Variants in PRKG1 observed in about 807,000 individuals in gnomAD.
PRKG1 encodes the protein cGMP-dependent protein kinase 1.
PRKG1 carries 35 observed loss-of-function variants against 88.1 expected under a neutral mutation model. That is an observed-to-expected ratio of 0.40 (90% confidence interval 0.30 to 0.53). The LOEUF (loss-of-function observed/expected upper bound fraction) is 0.53. Ranked by LOEUF, PRKG1 falls within the 20% of genes least tolerant of loss-of-function variation. The pLI is 0.59. For missense variants in PRKG1, 540 were observed against 839.8 expected (o/e 0.64, Z 4.41); for synonymous variants, 303 against 292.5 (o/e 1.04, Z -0.37).
At chr10:51,135,572 A>G (rs73333902) in intron 1 of PRKG1, among the ~76,000 whole-genome samples, 6,308 of 152,258 alleles carry the variant, frequency 0.041, 147 homozygotes, top group Middle Eastern at 0.058. Flanking sequence ...TGCAAAGAGT[A>G]GTTTAGAGAA....
At chr10:51,067,270 G>GTATATATATATATA (rs10612353) in intron 1 of PRKG1, among the ~76,000 whole-genome samples, 41 of 146,702 alleles carry the variant, frequency 2.8e-4, no homozygotes, top group African/African-American at 9.5e-4. Flanking sequence ...ATGTATGTGT[G>GTATATATATATATA]TATATATATA....
chr10:52,052,376 A>G (rs2133250524), intron 5 of PRKG1, among the ~76,000 whole-genome samples: 1 of 151,794 alleles, frequency 6.6e-6, no homozygotes, highest in East Asian at 2.0e-4. Context: ...GGAGTTTGAG[A>G]CCAGCCTGGG....
intron 10 of PRKG1, among the ~76,000 whole-genome samples, chr10:52,253,965 A>G (rs1841247757): frequency 6.6e-6 from 1 of 151,968 alleles, no homozygotes; most frequent in African/African-American, 2.4e-5. Context: ...TCAGTATTCA[A>G]TGTGGACCAG....
chr10:51,864,730 C>A (rs1223569245), intron 4 of PRKG1, among the ~76,000 whole-genome samples: 1 of 152,084 alleles, frequency 6.6e-6, no homozygotes, highest in African/African-American at 2.4e-5. Context: ...TGTTTCAGAC[C>A]AATCACTTAT....
chr10:51,101,537 A>G (rs1290701963), intron 1 of PRKG1, among the ~76,000 whole-genome samples: 1 of 152,218 alleles, frequency 6.6e-6, no homozygotes, highest in Admixed American at 6.5e-5. Flanking sequence ...TCCTTTGAGA[A>G]GCTAAAATCC....
chr10:51,789,818 C>T (rs939918428), intron 3 of PRKG1, among the ~76,000 whole-genome samples: 1 of 151,926 alleles, frequency 6.6e-6, no homozygotes, highest in Non-Finnish European at 1.5e-5. Flanking sequence ...AACACAATAT[C>T]AGTCATTCTC....
intron 3 of PRKG1, among the ~76,000 whole-genome samples, chr10:51,792,007 T>G (rs1199840689): frequency 1.3e-5 from 2 of 152,106 alleles, no homozygotes; most frequent in African/African-American, 4.8e-5. Flanking sequence ...TGAATAGATT[T>G]TGTTTTATTT....
chr10:51,054,682 G>A (rs2660204), intron 1 of PRKG1, among the ~76,000 whole-genome samples: 137,583 of 152,218 alleles, frequency 0.9, 62,336 homozygotes, highest in African/African-American at 0.97. Flanking sequence ...TGAACCTTTC[G>A]TTATAATCAT....
Position 51,470,244 on chromosome 10 carries a change from T to C in PRKG1, c.592+2408T>C, listed in dbSNP as rs533430982. ...TCATTTATTTCTTAGTATTCAAGATTATATCAACTTGTCCATATTTTCCTG... is the reference window on the plus strand; with the variant it reads ...TCATTTATTTCTTAGTATTCAAGATCATATCAACTTGTCCATATTTTCCTG... On this transcript the variant is annotated intron_variant, in intron 3 of 17. Transcript: ENST00000373980. Among the ~76,000 whole-genome samples, 18 of 152,006 alleles carry C rather than the reference T, an allele frequency of 1.2e-4. No individual in the cohort carries two copies. In the South Asian group the frequency reaches 3.7e-3, roughly 32 times the overall value.
At chr10:51,876,925 CT>C (rs773276146) in intron 4 of PRKG1, among the ~76,000 whole-genome samples, 1 of 152,132 alleles carries the variant, frequency 6.6e-6, no homozygotes, top group Non-Finnish European at 1.5e-5. Flanking sequence ...GGAAATTTGC[CT>C]AGTAATGAAA....
chr10:52,129,248 G>A (rs980151300), intron 7 of PRKG1, among the ~76,000 whole-genome samples: 44 of 152,130 alleles, frequency 2.9e-4, no homozygotes, highest in African/African-American at 1.1e-3. Flanking sequence ...TAATAACCCA[G>A]ATTTATTAAG....
At chr10:52,081,174 A>T (rs1846764428) in intron 7 of PRKG1, among the ~76,000 whole-genome samples, 1 of 152,184 alleles carries the variant, frequency 6.6e-6, no homozygotes. Context: ...TTCTTGTAAA[A>T]TGTGTGTTGA....
chr10:51,288,365 C>A (rs1025411163), intron 2 of PRKG1, among the ~76,000 whole-genome samples: 2 of 151,972 alleles, frequency 1.3e-5, no homozygotes, highest in Non-Finnish European at 2.9e-5. Context: ...TTAGGTGCTG[C>A]AGTAAAATGT....
chr10:52,209,718 G>C (rs575122791), intron 9 of PRKG1, among the ~76,000 whole-genome samples: 1 of 151,932 alleles, frequency 6.6e-6, no homozygotes, highest in Admixed American at 6.6e-5. Context: ...ATCACAAAGC[G>C]GCAGCACCAT....
rs540551095 is a variant in PRKG1 at position 51,855,625 on chromosome 10, G to A, written c.698+50935G>A. ...AACAAATTATTTTCTCCTATTTAAG[G>A]GACCTCATTTTTCTTTCCATTTATG... On this transcript the variant is annotated intron_variant, in intron 4 of 17. Transcript: ENST00000373980. Among the ~76,000 whole-genome samples the A allele has an allele frequency of 2.6e-5, 4 of 152,148 alleles. No individual in the cohort carries two copies. The South Asian group carries it at 8.3e-4, about 32-fold the overall frequency.
chr10:52,254,882 A>T (rs1841271023), intron 10 of PRKG1, among the ~76,000 whole-genome samples: 1 of 152,044 alleles, frequency 6.6e-6, no homozygotes, highest in Admixed American at 6.6e-5. Context: ...TAGGAATTGT[A>T]GTCTTAAGCT....
chr10:51,564,858 C>T (rs1481033256), intron 3 of PRKG1, among the ~76,000 whole-genome samples: 4 of 151,858 alleles, frequency 2.6e-5, no homozygotes, highest in African/African-American at 9.7e-5. Context: ...TTGGTTTTTC[C>T]AGGAGTGTAA....
At chr10:51,636,695 A>T (rs1839664096) in intron 3 of PRKG1, among the ~76,000 whole-genome samples, 1 of 152,226 alleles carries the variant, frequency 6.6e-6, no homozygotes, top group African/African-American at 2.4e-5. Context: ...TCATTTGACC[A>T]TCTGTCCAGC....
rs899732616 is a variant in PRKG1, at chr10:52,239,665, G to A, written c.1077-11905G>A. Among the ~76,000 whole-genome samples the A allele has an allele frequency of 3.3e-5, 5 of 151,944 alleles. No individual in the cohort carries two copies. The East Asian group carries it at 9.7e-4, about 29-fold the overall frequency. ...GCTGTTCAACTAGATATATACAAGT[G>A]TAGAGTGAGGAGCTTTAAGACATGA... On this transcript the variant is annotated intron_variant, in intron 9 of 17. Transcript: ENST00000373980.
Sources: allele counts gnomAD v4.1 joint callset (sites outside exome capture counted in the v4.1 genomes callset), GRCh38; gene constraint gnomAD v4.1.1; transcripts MANE v1.5; gene names NCBI Gene and HGNC (gene_info 2026-07-23, HGNC 2026-07-21).